The following SMTN variants were observed in gnomAD, a reference collection of about 807,000 sequenced individuals.
The protein encoded by SMTN is smoothelin.
A neutral mutation model predicts 102.0 loss-of-function variants in SMTN; 58 were observed. The observed-to-expected ratio is 0.57, with a 90% CI of 0.46 to 0.71. The LOEUF (loss-of-function observed/expected upper bound fraction) is 0.71. SMTN is among the 30% of genes least tolerant of loss of function. The pLI, the probability that SMTN is intolerant of heterozygous loss-of-function variation, is 0.00. For synonymous variants in SMTN, 478 were observed against 497.9 expected (o/e 0.96, Z 0.53); for missense variants, 1,185 against 1,241.7 (o/e 0.95, Z 0.69).
At chr22:31,100,850 T>TAA in intron 19 of SMTN, 35 bp from the exon 20 acceptor site, 23 of 636,188 alleles carry the variant, frequency 3.6e-5, no homozygotes, top group Non-Finnish European at 4.0e-5. Context: ...CCTGCCCCCG[T>TAA]CCCCCACCCC....
upstream of SMTN, among the ~76,000 whole-genome samples, chr22:31,077,013 T>C (rs2042145935): frequency 2.0e-5 from 3 of 152,180 alleles, no homozygotes; most frequent in African/African-American, 7.2e-5. Flanking sequence ...TCAAACCCCC[T>C]CATTTTACAG....
intron 2 of SMTN, chr22:31,085,120 CA>C: frequency 6.5e-7 from 1 of 1,535,430 alleles, no homozygotes; most frequent in Non-Finnish European, 8.7e-7. Flanking sequence ...CGTGCCCCTC[CA>C]CCACCCGCCG....
At chr22:31,103,919 A>C (rs766387284) in intron 20 of SMTN, 1 of 210,164 alleles carries the variant, frequency 4.8e-6, no homozygotes, top group African/African-American at 2.3e-5. Context: ...GATGAAGCCC[A>C]TCTGGGTGCA....
chr22:31,067,613 G>A (rs1310452704), intron 1 of SMTN: 6 of 142,444 alleles, frequency 4.2e-5, no homozygotes, highest in African/African-American at 1.6e-4. Context: ...GGAGTGCAGT[G>A]GCACGATCTT....
intron 1 of SMTN, among the ~76,000 whole-genome samples, chr22:31,073,359 C>G (rs1472854822): frequency 6.6e-6 from 1 of 152,138 alleles, no homozygotes; most frequent in Non-Finnish European, 1.5e-5. Context: ...CCTGGACACA[C>G]AGGAAGGTCA....
intron 8 of SMTN, among the ~76,000 whole-genome samples, chr22:31,090,537 C>T (rs1381774877): frequency 6.6e-6 from 1 of 152,046 alleles, no homozygotes; most frequent in East Asian, 1.9e-4. Flanking sequence ...CTTCCTCCAG[C>T]CTAAGCCTCG....
At chr22:31,077,120 T>C (rs1167878786), upstream of SMTN, among the ~76,000 whole-genome samples, 1 of 152,148 alleles carries the variant, frequency 6.6e-6, no homozygotes, top group Non-Finnish European at 1.5e-5. Flanking sequence ...TAAGAACAAA[T>C]GTTCTGGCCG....
chr22:31,089,624 C>A, intron 6 of SMTN, 75 bp from the exon 7 acceptor site: 1 of 1,426,796 alleles, frequency 7.0e-7, no homozygotes, highest in Non-Finnish European at 9.6e-7. Flanking sequence ...GGGCACTTGC[C>A]AGCCTGGCCC....
chr22:31,096,960 T>C, intron 14 of SMTN, 38 bp from the exon 15 acceptor site: 1 of 1,613,572 alleles, frequency 6.2e-7, no homozygotes, highest in South Asian at 1.1e-5. Context: ...CCCAGCCCCC[T>C]GTGCCTTTCA....
At chr22:31,099,439 C>T (rs1297715806) in intron 18 of SMTN, 8 of 587,106 alleles carry the variant, frequency 1.4e-5, no homozygotes, top group Non-Finnish European at 2.1e-5. Flanking sequence ...CTTGGAGTCC[C>T]CTCCTTGTTG....
chr22:31,064,888 A>T (rs1348806650), intron 1 of SMTN: 1 of 152,216 alleles, frequency 6.6e-6, no homozygotes, highest in African/African-American at 2.4e-5. Flanking sequence ...AGTAACCTAC[A>T]TACCTTATTT....
intron 18 of SMTN, chr22:31,099,426 A>G (rs903261975): frequency 1.3e-4 from 78 of 587,036 alleles, no homozygotes; most frequent in Admixed American, 8.7e-4. Flanking sequence ...GCCGGATCCC[A>G]CTCTTGGAGT....
rs762405892 is a variant in SMTN at position 31,088,153 on chromosome 22, G to A, written c.200+40G>A. 1.9e-6 allele frequency: 3 copies of A among 1,556,004 alleles called. No individual in the cohort carries two copies. In the South Asian group the frequency reaches 3.6e-5, roughly 19 times the overall value. ...GTGGAACATGCGGGTGAGAAGGTGA[G>A]TGTGAGCCCTGGCTCAGCTCATGTG... On this transcript the variant is annotated intron_variant, in intron 3 of 20. Transcript: ENST00000333137.
intron 11 of SMTN, chr22:31,093,997 C>A: frequency 2.8e-6 from 2 of 712,834 alleles, no homozygotes; most frequent in Non-Finnish European, 4.6e-6. Flanking sequence ...GGGACTGGGG[C>A]ACTAGTGCTC....
At chr22:31,100,795 T>G in intron 19 of SMTN, 90 bp from the exon 20 acceptor site, 1 of 669,874 alleles carries the variant, frequency 1.5e-6, no homozygotes, top group Non-Finnish European at 2.7e-6. Context: ...CTCCCCTCTC[T>G]CTTCTCTGCC....
intron 1 of SMTN, among the ~76,000 whole-genome samples, chr22:31,070,952 C>T (rs1386607638): frequency 6.1e-5 from 9 of 146,812 alleles, no homozygotes; most frequent in Non-Finnish European, 1.3e-4. Flanking sequence ...GAAAAGAAAA[C>T]GATTTAAGCC....
chr22:31,087,229 G>A (rs1419048430), intron 2 of SMTN: 1 of 152,256 alleles, frequency 6.6e-6, no homozygotes, highest in African/African-American at 2.4e-5. Context: ...GGTTAGACCA[G>A]TCACCCCCAA....
chr22:31,101,087 C>G (rs1373140726), intron 20 of SMTN, 38 bp downstream of exon 20: 16 of 1,552,416 alleles, frequency 1.0e-5, no homozygotes, highest in Non-Finnish European at 1.4e-5. Context: ...CCCGTTTCAC[C>G]AGAATCTGCT....
chr22:31,096,668 T>G, intron 13 of SMTN, 65 bp from the exon 14 acceptor site: 2 of 1,466,786 alleles, frequency 1.4e-6, no homozygotes, highest in South Asian at 2.8e-5. Context: ...CCCATGCACC[T>G]GTGCATCTGT....
Sources: gnomAD v4.1 joint callset for allele counts (sites outside exome capture counted in the v4.1 genomes callset) on GRCh38, gnomAD v4.1.1 for gene constraint, MANE v1.5 for transcripts, NCBI Gene and HGNC (gene_info 2026-07-23, HGNC 2026-07-21) for gene names.